SEM1: variants seen among roughly 807,000 people sequenced by gnomAD.
SEM1 encodes the protein SEM1 26S proteasome subunit, also known as 26S proteasome complex subunit SEM1.
Under a neutral mutation model 12.7 loss-of-function variants are expected in SEM1, and 3 were observed. The ratio of observed to expected loss-of-function variants is 0.24; its 90% CI spans 0.11 to 0.61. SEM1 has a LOEUF of 0.61. Ranked by LOEUF, SEM1 falls within the 20% of genes least tolerant of loss-of-function variation. The pLI is 0.88. For synonymous variants in SEM1, 30 were observed against 27.8 expected, an observed-to-expected ratio of 1.08 and a Z score of -0.25; for missense variants, 59 against 81.3, an observed-to-expected ratio of 0.73 and a Z score of 1.06.
chr7:96,705,150 C>T lies in SEM1; in HGVS notation c.76+4538G>A, dbSNP rs75924761. ...TCTGCCTCAACAGACAGATTCCCAT[C>T]ATAACACTGTCTTATCCAGAAATTT... is the stretch of plus-strand genomic sequence containing the variant. On this transcript the variant is annotated intron_variant, in intron 1 of 2. Coordinates refer to ENST00000248566, the MANE Select transcript of SEM1 (RefSeq NM_006304.2). 5.9e-5 allele frequency among the ~76,000 whole-genome samples: 9 copies of T among 152,248 alleles called. No homozygotes were observed. The East Asian group carries it at 1.5e-3, about 26-fold the overall frequency.
rs975580787 is a variant in SEM1, at chr7:96,549,805, G to A, written c.171-43107C>T. On this transcript the variant is annotated intron_variant and NMD_transcript_variant, in intron 2 of 3. Coordinates refer to the SEM1 transcript ENST00000466986. The stretch of plus-strand genomic sequence containing the variant: ...CAAATAAAAAGATGGACAGGGTGGG[G>A]TGGGATTGTGGCATTATAAAACCAG... Among the ~76,000 whole-genome samples the A allele has an allele frequency of 2.1e-4, 32 of 152,138 alleles. 1 individual carries two copies. The highest frequency in any genetic ancestry group is 4.8e-5 in the African/African-American group (2 of 41,436).
intron 3 of SEM1, among the ~76,000 whole-genome samples, chr7:96,484,422 A>T (rs1232077876): frequency 6.6e-6 from 1 of 152,216 alleles, no homozygotes; most frequent in Non-Finnish European, 1.5e-5. Flanking sequence ...GAAGCTCTTC[A>T]TGTGAACCAG....
At chr7:96,530,117 G>A (rs1235531339) in intron 2 of SEM1, among the ~76,000 whole-genome samples, 2 of 152,120 alleles carry the variant, frequency 1.3e-5, no homozygotes, top group East Asian at 1.9e-4. Flanking sequence ...ATGACAATGA[G>A]GAAAGGCCAA....
At chr7:96,568,343 G>C (rs140241287) in intron 2 of SEM1, among the ~76,000 whole-genome samples, 1 of 151,462 alleles carries the variant, frequency 6.6e-6, no homozygotes, top group East Asian at 1.9e-4. Flanking sequence ...AAATATTTTC[G>C]CTTTCTCCAT....
intron 2 of SEM1, among the ~76,000 whole-genome samples, chr7:96,557,222 C>T (rs1174204858): frequency 6.0e-5 from 9 of 151,084 alleles, no homozygotes; most frequent in South Asian, 2.1e-4. Context: ...AGCTTTGTTC[C>T]GTTGCTGGTG....
chr7:96,496,358 A>C, upstream of SEM1: 1 of 1,246,664 alleles, frequency 8.0e-7, no homozygotes, highest in Non-Finnish European at 1.1e-6. Context: ...GAAATAAATT[A>C]ATTATTCAAA....
At chr7:96,644,821 A>C (rs1808731785) in intron 2 of SEM1, among the ~76,000 whole-genome samples, 1 of 152,168 alleles carries the variant, frequency 6.6e-6, no homozygotes, top group Non-Finnish European at 1.5e-5. Flanking sequence ...AATAGATAAG[A>C]AGATCGATTA....
chr7:96,600,929 CA>C (rs1807179588), intron 2 of SEM1, among the ~76,000 whole-genome samples: 1 of 152,180 alleles, frequency 6.6e-6, no homozygotes, highest in Non-Finnish European at 1.5e-5. Flanking sequence ...CAACACTCCA[CA>C]CACACTAATT....
chr7:96,619,171 A>T, downstream of SEM1, among the ~76,000 whole-genome samples: 1 of 152,066 alleles, frequency 6.6e-6, no homozygotes, highest in Admixed American at 6.6e-5. Flanking sequence ...CTGCTTTTTC[A>T]TATTTCCTGT....
At chr7:96,553,298 G>A (rs1805357790) in intron 2 of SEM1, among the ~76,000 whole-genome samples, 1 of 151,630 alleles carries the variant, frequency 6.6e-6, no homozygotes. Context: ...GTAATGCGTA[G>A]GTTTTCTTCT....
intron 2 of SEM1, among the ~76,000 whole-genome samples, chr7:96,525,683 G>A (rs1301895675): frequency 1.3e-5 from 2 of 152,090 alleles, no homozygotes; most frequent in Non-Finnish European, 2.9e-5. Context: ...CTGGCCCCAG[G>A]CTGGAATTGG....
chr7:96,493,037 A>G (rs910181562), intron 1 of SEM1, among the ~76,000 whole-genome samples: 1 of 152,076 alleles, frequency 6.6e-6, no homozygotes, highest in African/African-American at 2.4e-5. Flanking sequence ...GCAGTAACGC[A>G]ATCTCGGCTC....
intron 2 of SEM1, among the ~76,000 whole-genome samples, chr7:96,627,149 C>G (rs1453386783): frequency 1.3e-5 from 2 of 152,002 alleles, no homozygotes; most frequent in Non-Finnish European, 2.9e-5. Context: ...TTTGGATCTT[C>G]TCTTTTTTCT....
chr7:96,484,779 C>G (rs1023634322), intron 3 of SEM1: 1 of 1,197,730 alleles, frequency 8.3e-7, no homozygotes, highest in Non-Finnish European at 1.1e-6. Flanking sequence ...TCTCACCATA[C>G]AGAAAAGTTA....
intron 2 of SEM1, among the ~76,000 whole-genome samples, chr7:96,519,791 C>A (rs1804213266): frequency 6.6e-6 from 1 of 152,082 alleles, no homozygotes; most frequent in African/African-American, 2.4e-5. Context: ...TAGGTACACA[C>A]TTATCCATGC....
intron 1 of SEM1, chr7:96,486,470 G>T: frequency 7.0e-7 from 1 of 1,420,622 alleles, no homozygotes; most frequent in Non-Finnish European, 9.6e-7. Context: ...GGCAGGAGGT[G>T]AGGAGGCGGG....
chr7:96,534,237 A>T (rs545453251), intron 2 of SEM1, among the ~76,000 whole-genome samples: 2 of 152,088 alleles, frequency 1.3e-5, no homozygotes, highest in African/African-American at 2.4e-5. Context: ...AACAAAAAAA[A>T]GTTCAGCTTT....
chr7:96,496,252 C>A, intron 1 of SEM1: 1 of 1,405,198 alleles, frequency 7.1e-7, no homozygotes, highest in Non-Finnish European at 9.7e-7. Context: ...TAATAAAAGC[C>A]ACATATTGAT....
chr7:96,634,547 C>T (rs867470228), intron 2 of SEM1, among the ~76,000 whole-genome samples: 12 of 149,468 alleles, frequency 8.0e-5, no homozygotes, highest in Admixed American at 1.3e-4. Flanking sequence ...AGACAATGCT[C>T]TTTTTCTCTC....
Sources: allele counts gnomAD v4.1 joint callset (sites outside exome capture counted in the v4.1 genomes callset), GRCh38; gene constraint gnomAD v4.1.1; transcripts MANE v1.5; gene names NCBI Gene and HGNC (gene_info 2026-07-23, HGNC 2026-07-21).